The following DRC11 variants were observed in gnomAD, a reference collection of about 807,000 sequenced individuals.
The protein encoded by DRC11 is dynein regulatory complex subunit 11.
the DRC11 span, among the ~76,000 whole-genome samples, chr2:236,339,624 G>A: frequency 6.6e-6 from 1 of 152,078 alleles, no homozygotes; most frequent in Non-Finnish European, 1.5e-5. Context: ...TCTTTTGCAG[G>A]CAGCAATTCA....
chr2:236,379,035 C>T, the DRC11 span, among the ~76,000 whole-genome samples: 1 of 152,154 alleles, frequency 6.6e-6, no homozygotes, highest in Admixed American at 6.5e-5. Flanking sequence ...CCAGGGGCTG[C>T]TTGCCAGGGC....
At chr2:236,424,433 A>G in the DRC11 span, among the ~76,000 whole-genome samples, 1 of 152,198 alleles carries the variant, frequency 6.6e-6, no homozygotes, top group Non-Finnish European at 1.5e-5. Flanking sequence ...AAAAGTTATG[A>G]AAGAGTAATT....
the DRC11 span, among the ~76,000 whole-genome samples, chr2:236,357,683 CAATATGTAAATATCT>C: frequency 1.2e-5 from 1 of 84,702 alleles, no homozygotes; most frequent in South Asian, 3.3e-4. Flanking sequence ...TATATATTTA[CAATATGTAAATATCT>C]GATATGTAAA....
the DRC11 span, among the ~76,000 whole-genome samples, chr2:236,474,840 A>T: frequency 1.6e-4 from 25 of 152,258 alleles, no homozygotes; most frequent in African/African-American, 5.5e-4. Context: ...ATTTATTTTT[A>T]AAAATGAATG....
the DRC11 span, among the ~76,000 whole-genome samples, chr2:236,345,675 G>A: frequency 6.6e-6 from 1 of 152,188 alleles, no homozygotes; most frequent in Non-Finnish European, 1.5e-5. Flanking sequence ...GACTTACCCT[G>A]GGCCCATGAA....
chr2:236,325,275 G>T, the DRC11 span, among the ~76,000 whole-genome samples: 1 of 152,066 alleles, frequency 6.6e-6, no homozygotes, highest in Admixed American at 6.5e-5. The surrounding 1 kb of genome is among the most constrained non-coding windows in gnomAD (Gnocchi z 4.4). Context: ...CTCAACCTTT[G>T]CGTTTTATTT....
chr2:236,466,989 G>C, the DRC11 span, among the ~76,000 whole-genome samples: 1 of 152,114 alleles, frequency 6.6e-6, no homozygotes, highest in African/African-American at 2.4e-5. Flanking sequence ...ATGGCATTTT[G>C]GTAGTTCCCT....
chr2:236,332,008 TTAGATA>T, the DRC11 span: 1 of 165,392 alleles, frequency 6.0e-6, no homozygotes, highest in Non-Finnish European at 1.3e-5. The surrounding 1 kb of genome is among the most constrained non-coding windows in gnomAD (Gnocchi z 5.1). Flanking sequence ...AACTTTTTTT[TTAGATA>T]TAAAGTTAAT....
the DRC11 span, among the ~76,000 whole-genome samples, chr2:236,432,507 T>C: frequency 6.6e-6 from 1 of 152,196 alleles, no homozygotes; most frequent in South Asian, 2.1e-4. Context: ...GATCATCTTT[T>C]CATATGTTGA....
the DRC11 span, among the ~76,000 whole-genome samples, chr2:236,461,362 C>G: frequency 6.6e-6 from 1 of 152,100 alleles, no homozygotes. The surrounding 1 kb of genome is among the most constrained non-coding windows in gnomAD (Gnocchi z 4.0). Context: ...AGGTGTAAAC[C>G]AAAGTGATTT....
chr2:236,399,214 T>G, the DRC11 span, among the ~76,000 whole-genome samples: 1 of 152,268 alleles, frequency 6.6e-6, no homozygotes, highest in Non-Finnish European at 1.5e-5. This position sits in a 1 kb window ranked among gnomAD's most constrained non-coding sequence, Gnocchi z 7.0. Flanking sequence ...GGTCTTGAAC[T>G]CCTGACCTCA....
At chr2:236,357,502 T>C in the DRC11 span, among the ~76,000 whole-genome samples, 4 of 127,608 alleles carry the variant, frequency 3.1e-5, no homozygotes, top group African/African-American at 1.2e-4. Flanking sequence ...AATACATATT[T>C]ACATATTATA....
At chr2:236,446,473 T>A in the DRC11 span, among the ~76,000 whole-genome samples, 1 of 152,208 alleles carries the variant, frequency 6.6e-6, no homozygotes, top group South Asian at 2.1e-4. The surrounding 1 kb of genome is among the most constrained non-coding windows in gnomAD (Gnocchi z 6.2). Context: ...GTTCTCTTGG[T>A]TAAAAGTGGA....
the DRC11 span, among the ~76,000 whole-genome samples, chr2:236,354,326 AGT>A: frequency 1.2e-5 from 1 of 81,926 alleles, no homozygotes; most frequent in Non-Finnish European, 2.7e-5. Context: ...CATGTGTGTG[AGT>A]GTATTAGTGT....
the DRC11 span, among the ~76,000 whole-genome samples, chr2:236,494,775 C>T: frequency 2.6e-5 from 4 of 152,092 alleles, no homozygotes; most frequent in Non-Finnish European, 4.4e-5. This position sits in a 1 kb window ranked among gnomAD's most constrained non-coding sequence, Gnocchi z 4.2. Context: ...CCTGGTGGGA[C>T]AGTATCCCCA....
At chr2:236,312,688 GA>G in the DRC11 span, among the ~76,000 whole-genome samples, 1 of 151,354 alleles carries the variant, frequency 6.6e-6, no homozygotes, top group African/African-American at 2.4e-5. Flanking sequence ...GGAAAGAAAT[GA>G]TAGAGATAAG....
At chr2:236,426,753 T>A in the DRC11 span, among the ~76,000 whole-genome samples, 1 of 152,164 alleles carries the variant, frequency 6.6e-6, no homozygotes, top group African/African-American at 2.4e-5. The surrounding 1 kb of genome is among the most constrained non-coding windows in gnomAD (Gnocchi z 4.1). Flanking sequence ...ATTTCACTTC[T>A]TCCCTTCCTA....
the DRC11 span, among the ~76,000 whole-genome samples, chr2:236,494,887 G>C: frequency 6.6e-6 from 1 of 152,214 alleles, no homozygotes; most frequent in African/African-American, 2.4e-5. The surrounding 1 kb of genome is among the most constrained non-coding windows in gnomAD (Gnocchi z 4.2). Context: ...TCTAGTGGGT[G>C]GGTGTGGCCT....
At chr2:236,421,572 C>T in the DRC11 span, among the ~76,000 whole-genome samples, 1 of 152,146 alleles carries the variant, frequency 6.6e-6, no homozygotes, top group Non-Finnish European at 1.5e-5. Context: ...TAATTAATAG[C>T]TTACCAACCA....
Sources: gnomAD v4.1 joint callset for allele counts (sites outside exome capture counted in the v4.1 genomes callset) on GRCh38, gnomAD v4.1.1 for gene constraint, Gnocchi (gnomAD v3.1) non-coding constraint, MANE v1.5 for transcripts, NCBI Gene and HGNC (gene_info 2026-07-23, HGNC 2026-07-21) for gene names.